Variants in HERC3 observed in about 807,000 individuals in gnomAD.
The protein encoded by HERC3 is HECT and RLD domain containing E3 ubiquitin protein ligase 3, also known as probable E3 ubiquitin-protein ligase HERC3.
HERC3 carries 58 observed loss-of-function variants against 129.9 expected under a neutral mutation model. That is an observed-to-expected ratio of 0.45 (90% CI 0.36 to 0.56). HERC3 has a LOEUF of 0.56. HERC3 is among the 20% of genes least tolerant of loss of function. The pLI is 0.00. For synonymous variants in HERC3, 430 were observed against 451.0 expected, an observed-to-expected ratio of 0.95 and a Z score of 0.59; for missense variants, 835 against 1,244.2, an observed-to-expected ratio of 0.67 and a Z score of 4.95.
intron 18 of HERC3, 36 bp downstream of exon 18, chr4:88,676,459 G>A: frequency 7.2e-7 from 1 of 1,393,470 alleles, no homozygotes; most frequent in Non-Finnish European, 1.0e-6. Flanking sequence ...TCTTTTTACT[G>A]TGTTTCTCCC....
chr4:88,566,733 C>T, the HERC3 span, among the ~76,000 whole-genome samples: 1 of 152,160 alleles, frequency 6.6e-6, no homozygotes, highest in Non-Finnish European at 1.5e-5. Context: ...TTTATTTCTC[C>T]TTCATGTTTG....
intron 23 of HERC3, among the ~76,000 whole-genome samples, chr4:88,694,641 T>C (rs981854125): frequency 3.9e-5 from 6 of 152,206 alleles, no homozygotes; most frequent in Non-Finnish European, 7.4e-5. Flanking sequence ...TTATGGTAAT[T>C]ATATTAGGTT....
chr4:88,654,385 T>TATATATAC (rs1352694459), intron 7 of HERC3, among the ~76,000 whole-genome samples: 1 of 104,350 alleles, frequency 9.6e-6, no homozygotes, highest in Admixed American at 1.1e-4. Context: ...TATATATATA[T>TATATATAC]ATACACACAC....
chr4:88,612,509 G>A (rs1263109807), intron 3 of HERC3, among the ~76,000 whole-genome samples: 1 of 151,990 alleles, frequency 6.6e-6, no homozygotes. Flanking sequence ...TTCAGATGTA[G>A]TATATTAAGC....
Position 88,612,059 on chromosome 4 carries a change from G to A in HERC3, c.226+6010G>A, listed in dbSNP as rs73844026. Among the ~76,000 whole-genome samples the A allele has an allele frequency of 3.0e-3, 460 of 152,234 alleles. 4 individuals carry two copies. Among genetic ancestry groups the A allele is most frequent in the African/African-American group, 0.01 (434 of 41,526 alleles). On this transcript the variant is annotated intron_variant, in intron 3 of 25. Coordinates refer to ENST00000402738, the MANE Select transcript of HERC3 (RefSeq NM_014606.3). ...ATGTTATACACTCTGTCTCTAACTG[G>A]TTCAGCTGCAAGGCACATCAATTCA...
At chr4:88,629,064 G>A (rs62308701) in intron 3 of HERC3, among the ~76,000 whole-genome samples, 1 of 152,168 alleles carries the variant, frequency 6.6e-6, no homozygotes, top group Non-Finnish European at 1.5e-5. Flanking sequence ...CCAGCCACTT[G>A]GGAGACTAGC....
At chr4:88,524,631 A>G in the HERC3 span, 1 of 152,364 alleles carries the variant, frequency 6.6e-6, no homozygotes, top group South Asian at 2.1e-4. Flanking sequence ...CCTTATCTGT[A>G]TAAGACTAAT....
chr4:88,684,048 A>C (rs540444983), intron 21 of HERC3, among the ~76,000 whole-genome samples: 1 of 152,334 alleles, frequency 6.6e-6, no homozygotes, highest in East Asian at 1.9e-4. Context: ...TACTTCCCAA[A>C]GTAATTTATA....
At chr4:88,644,020 C>T (rs1447968225) in intron 3 of HERC3, among the ~76,000 whole-genome samples, 1 of 152,110 alleles carries the variant, frequency 6.6e-6, no homozygotes, top group Non-Finnish European at 1.5e-5. Context: ...CAAATAAGCA[C>T]ATGAAAAGAT....
intron 18 of HERC3, among the ~76,000 whole-genome samples, chr4:88,676,752 C>A (rs542408225): frequency 1.3e-3 from 192 of 152,216 alleles, no homozygotes; most frequent in African/African-American, 4.0e-3. Flanking sequence ...GGCTATATTC[C>A]AACAAAACTT....
intron 16 of HERC3, among the ~76,000 whole-genome samples, chr4:88,672,440 T>C (rs1435287933): frequency 6.6e-6 from 1 of 152,246 alleles, no homozygotes; most frequent in Non-Finnish European, 1.5e-5. Context: ...TTTTATTGTA[T>C]GAGGTACAAT....
the HERC3 span, chr4:88,583,964 A>G: frequency 6.6e-6 from 1 of 152,226 alleles, no homozygotes; most frequent in African/African-American, 2.4e-5. Flanking sequence ...GCTACACTAC[A>G]TTGAATCCTA....
rs1735908434 is a variant in HERC3 at position 88,707,993 on chromosome 4, C to A, written c.*1033C>A. 6.6e-6 allele frequency: 1 copy of A among 152,068 alleles called. No homozygotes were observed. The highest frequency in any genetic ancestry group is 2.4e-5 in the African/African-American group (1 of 41,246). 9.4% of individuals were successfully genotyped at this position (152,068 alleles called of 1,614,324 possible). A position where few individuals can be genotyped will look rare whatever the true frequency, so the allele number is the denominator to read the frequency against. Reference sequence around the variant, plus strand: ...ACTTGACTCAGTGCTCCCTTCCTCTCCTCTCCTTCTAGTGGATGCATGCAG... The same window carrying A: ...ACTTGACTCAGTGCTCCCTTCCTCTACTCTCCTTCTAGTGGATGCATGCAG... On this transcript the variant is annotated 3_prime_UTR_variant, in exon 26 of 26. Transcript: ENST00000402738.
At chr4:88,632,267 G>A (rs753970738) in intron 3 of HERC3, among the ~76,000 whole-genome samples, 2 of 152,182 alleles carry the variant, frequency 1.3e-5, no homozygotes, top group African/African-American at 4.8e-5. Context: ...GCCACTCTGT[G>A]GTGTACGCAG....
chr4:88,607,323 A>T (rs1723769627), intron 3 of HERC3, among the ~76,000 whole-genome samples: 1 of 152,280 alleles, frequency 6.6e-6, no homozygotes, highest in Non-Finnish European at 1.5e-5. Flanking sequence ...GTGTGGTGAG[A>T]CTGGGAAGAG....
At chr4:88,597,336 T>C (rs1467070247) in intron 2 of HERC3, among the ~76,000 whole-genome samples, 1 of 152,268 alleles carries the variant, frequency 6.6e-6, no homozygotes, top group African/African-American at 2.4e-5. Flanking sequence ...ATATAGCATT[T>C]CCATTATCAC....
intron 11 of HERC3, among the ~76,000 whole-genome samples, chr4:88,663,904 CAA>C (rs1477288098): frequency 1.3e-5 from 2 of 152,070 alleles, no homozygotes; most frequent in African/African-American, 4.8e-5. Flanking sequence ...ATTATTGGGA[CAA>C]GAGGTTTTCT....
intron 3 of HERC3, among the ~76,000 whole-genome samples, chr4:88,623,173 C>T (rs775704659): frequency 1.3e-5 from 2 of 152,120 alleles, no homozygotes; most frequent in South Asian, 2.1e-4. Flanking sequence ...GATTTCTGGT[C>T]GTCCTGAAGT....
chr4:88,681,029 C>T (rs1732717426), intron 20 of HERC3, 130 bp from the exon 21 acceptor site: 5 of 1,439,180 alleles, frequency 3.5e-6, no homozygotes, highest in Non-Finnish European at 4.5e-6. Flanking sequence ...TTCTTTGCTA[C>T]AGAAGGTAAC....
Sources: allele counts gnomAD v4.1 joint callset (sites outside exome capture counted in the v4.1 genomes callset), GRCh38; gene constraint gnomAD v4.1.1; transcripts MANE v1.5; gene names NCBI Gene and HGNC (gene_info 2026-07-23, HGNC 2026-07-21).